Variants in KCNH5 observed in about 807,000 individuals in gnomAD.
KCNH5 encodes potassium voltage-gated channel subfamily H member 5.
In KCNH5, 46 loss-of-function variants were observed where a neutral mutation model predicts 96.1. That is an observed-to-expected ratio of 0.48 (90% confidence interval 0.38 to 0.61). KCNH5 has a LOEUF of 0.61. Among genes scored for constraint, KCNH5 ranks in the 20% least tolerant of loss-of-function variants. The pLI is 0.00. For missense variants in KCNH5, 907 were observed against 1,225.8 expected, an observed-to-expected ratio of 0.74 and a Z score of 3.88; for synonymous variants, 439 against 449.8, an observed-to-expected ratio of 0.98 and a Z score of 0.30.
intron 10 of KCNH5, chr14:62,712,305 C>A: frequency 5.0e-6 from 1 of 200,178 alleles, no homozygotes; most frequent in Non-Finnish European, 1.0e-5. Flanking sequence ...AAAATAATGG[C>A]ATTGTAAAAT....
At chr14:62,833,846 G>A (rs900172339) in intron 8 of KCNH5, among the ~76,000 whole-genome samples, 3 of 151,892 alleles carry the variant, frequency 2.0e-5, no homozygotes, top group Non-Finnish European at 2.9e-5. Context: ...TATGTATGAG[G>A]TTATTTTTAG....
chr14:63,034,747 T>C (rs541122990), intron 1 of KCNH5, among the ~76,000 whole-genome samples: 1 of 152,362 alleles, frequency 6.6e-6, no homozygotes, highest in South Asian at 2.1e-4. Flanking sequence ...AACTTCATTT[T>C]TTCATCCAGC....
intron 10 of KCNH5, among the ~76,000 whole-genome samples, chr14:62,779,436 A>G (rs1225488816): frequency 6.6e-6 from 1 of 152,242 alleles, no homozygotes; most frequent in Non-Finnish European, 1.5e-5. Context: ...GCAGTATTAT[A>G]AACTCCAAGA....
intron 7 of KCNH5, among the ~76,000 whole-genome samples, chr14:62,940,387 A>G (rs1422378567): frequency 6.6e-6 from 1 of 152,104 alleles, no homozygotes; most frequent in Non-Finnish European, 1.5e-5. Flanking sequence ...TACCACCTCA[A>G]TTTATGTCTT....
intron 7 of KCNH5, among the ~76,000 whole-genome samples, chr14:62,869,085 G>A (rs1002357833): frequency 6.6e-6 from 1 of 152,116 alleles, no homozygotes; most frequent in African/African-American, 2.4e-5. Flanking sequence ...TGGTATTTCT[G>A]GTTCCAGATC....
rs778225685 is a variant in KCNH5, at chr14:62,802,496, C to T, written c.1655G>A (p.Arg552Gln). ...GCGCAGACACCCATCGCTGGCCAAT[C>T]GAAAAGCAGGATGTTCATTAAAAAC... ...RKVFNEHPAF[R>Q]LASDGCLRAL... The change falls in exon 9 of 11, where the codon CGA becomes CAA. Residue 552 changes from arginine to glutamine, a missense_variant. Arg to Gln is a conservative substitution (Grantham distance 43). Transcript: ENST00000322893. 3.1e-6 allele frequency: 5 copies of T among 1,614,030 alleles called. No individual in the cohort carries two copies. The highest frequency in any genetic ancestry group is 1.7e-6 in the Non-Finnish European group (2 of 1,180,004).
chr14:62,946,947 T>C (rs779067298), intron 7 of KCNH5, among the ~76,000 whole-genome samples: 5 of 152,108 alleles, frequency 3.3e-5, no homozygotes, highest in Non-Finnish European at 7.4e-5. Flanking sequence ...AGGTTACATA[T>C]AAAAGACAGC....
At chr14:62,838,728 A>G (rs140266736) in intron 8 of KCNH5, among the ~76,000 whole-genome samples, 3 of 152,272 alleles carry the variant, frequency 2.0e-5, no homozygotes, top group African/African-American at 4.8e-5. Flanking sequence ...ACAAAATCCA[A>G]GTTTCCCTGT....
intron 7 of KCNH5, among the ~76,000 whole-genome samples, chr14:62,898,807 G>A (rs1396327220): frequency 2.0e-5 from 3 of 152,072 alleles, no homozygotes; most frequent in African/African-American, 7.2e-5. Context: ...ATAAATTATT[G>A]CTACATAATA....
Position 63,016,897 on chromosome 14 carries a change from T to G in KCNH5, c.131A>C (p.Asn44Thr). The change falls in exon 2 of 11, where the codon AAT becomes ACT. Residue 44 changes from asparagine to threonine, a missense_variant. By Grantham distance (65) the Asn-to-Thr change is moderately conservative (BLOSUM62 0). This residue lies in a region of KCNH5 where 370 missense variants were observed against 561.3 expected (regional missense o/e 0.66). Coordinates refer to ENST00000322893, the MANE Select transcript of KCNH5 (RefSeq NM_139318.5). ...TCCAGAGAGTTTACAAAAACCGTCA[T>G]TACTATAAACTACAGGCCAATCCAC... ...QIVDWPVVYSNDGFCKLSGYH... is the reference protein window; with the variant it reads ...QIVDWPVVYSTDGFCKLSGYH... 1 of 1,610,952 alleles carries G rather than the reference T, an allele frequency of 6.2e-7. No homozygotes were observed. The highest frequency in any genetic ancestry group is 8.5e-7 in the Non-Finnish European group (1 of 1,178,202).
intron 10 of KCNH5, among the ~76,000 whole-genome samples, chr14:62,731,356 T>TA (rs1268725249): frequency 6.6e-6 from 1 of 151,480 alleles, no homozygotes; most frequent in Non-Finnish European, 1.5e-5. Context: ...AATTAAAAAT[T>TA]AAAAAAATAC....
intron 8 of KCNH5, among the ~76,000 whole-genome samples, chr14:62,811,132 G>C (rs1285026610): frequency 6.6e-6 from 1 of 152,126 alleles, no homozygotes; most frequent in Non-Finnish European, 1.5e-5. Flanking sequence ...AATTCTTTAT[G>C]ATATTCACTA....
chr14:62,785,035 C>T (rs1020100288), intron 9 of KCNH5, among the ~76,000 whole-genome samples: 10 of 152,086 alleles, frequency 6.6e-5, no homozygotes, highest in African/African-American at 1.7e-4. Context: ...ATAAGCAATA[C>T]TAATTGTTTC....
At chr14:62,740,483 CT>C (rs1885249207) in intron 10 of KCNH5, among the ~76,000 whole-genome samples, 1 of 152,104 alleles carries the variant, frequency 6.6e-6, no homozygotes, top group Admixed American at 6.6e-5. Context: ...TGCTGATTTT[CT>C]AACATTACAC....
At chr14:63,035,030 T>C (rs142954129) in intron 1 of KCNH5, among the ~76,000 whole-genome samples, 71 of 152,284 alleles carry the variant, frequency 4.7e-4, no homozygotes, top group African/African-American at 1.7e-3. Flanking sequence ...CCTGATATAA[T>C]GATAACATTT....
intron 7 of KCNH5, among the ~76,000 whole-genome samples, chr14:62,926,710 G>T (rs577170756): frequency 1.3e-5 from 2 of 152,174 alleles, no homozygotes; most frequent in East Asian, 3.9e-4. Context: ...CTTATGAGGA[G>T]ACCAGCTCCA....
chr14:62,947,288 T>C (rs546037611), intron 7 of KCNH5, among the ~76,000 whole-genome samples: 1 of 152,318 alleles, frequency 6.6e-6, no homozygotes, highest in South Asian at 2.1e-4. Context: ...CAAAATGTTG[T>C]CTTCTGAATT....
intron 7 of KCNH5, among the ~76,000 whole-genome samples, chr14:62,931,710 G>A (rs1378338237): frequency 1.3e-5 from 2 of 152,140 alleles, no homozygotes; most frequent in African/African-American, 2.4e-5. Flanking sequence ...AAGGAGCAAA[G>A]GTGGGGCTAA....
At chr14:62,748,795 A>G (rs1346429882) in intron 10 of KCNH5, among the ~76,000 whole-genome samples, 1 of 152,174 alleles carries the variant, frequency 6.6e-6, no homozygotes, top group Non-Finnish European at 1.5e-5. Context: ...TAAGTGTCCA[A>G]TTTAAGAAAG....
Sources: allele counts gnomAD v4.1 joint callset (sites outside exome capture counted in the v4.1 genomes callset), GRCh38; gene constraint gnomAD v4.1.1; regional missense constraint gnomAD v4.1.1; transcripts MANE v1.5; gene names NCBI Gene and HGNC (gene_info 2026-07-23, HGNC 2026-07-21).